Variants in SLC25A24 observed in about 807,000 individuals in gnomAD.
SLC25A24 encodes the protein mitochondrial adenyl nucleotide antiporter SLC25A24.
A neutral mutation model predicts 60.7 loss-of-function variants in SLC25A24; 49 were observed. The observed-to-expected ratio is 0.81, with a 90% CI of 0.64 to 1.02. The LOEUF (loss-of-function observed/expected upper bound fraction) is 1.02, where lower values mean the gene tolerates loss of function less well. Among genes scored for constraint, SLC25A24 ranks in the 50% least tolerant of loss-of-function variants. The pLI is 0.00. For synonymous variants in SLC25A24, 202 were observed against 200.6 expected, an observed-to-expected ratio of 1.01 and a Z score of -0.06; for missense variants, 564 against 586.3, an observed-to-expected ratio of 0.96 and a Z score of 0.39.
At chr1:108,140,643 A>T in intron 8 of SLC25A24, among the ~76,000 whole-genome samples, 1 of 152,216 alleles carries the variant, frequency 6.6e-6, no homozygotes, top group Non-Finnish European at 1.5e-5. Flanking sequence ...TGTGGGGAGG[A>T]GGTGAAATAT....
intron 1 of SLC25A24, among the ~76,000 whole-genome samples, chr1:108,197,606 C>T (rs762211225): frequency 1.4e-4 from 22 of 152,184 alleles, no homozygotes; most frequent in Non-Finnish European, 2.5e-4. Flanking sequence ...TATGTATCAA[C>T]TCGTCTGGAC....
chr1:108,160,294 A>G (rs1426022203), intron 4 of SLC25A24, among the ~76,000 whole-genome samples: 33 of 142,232 alleles, frequency 2.3e-4, no homozygotes, highest in Admixed American at 4.9e-4. Flanking sequence ...CCGGGCAGAG[A>G]CGCTCCTCAC....
In SLC25A24 at chr1:108,139,093, GGGTAGC is replaced by G; in HGVS notation, c.1208_1213del (p.Ser403_Pro405delinsThr). 6.2e-6 allele frequency: 10 copies of G among 1,607,496 alleles called. No individual in the cohort carries two copies. The highest frequency in any genetic ancestry group is 8.5e-6 in the Non-Finnish European group (10 of 1,176,902). On this transcript the variant is annotated inframe_deletion, in exon 9 of 10. Transcript: ENST00000565488. ...CATGCGAGTTCTCACCAAAGCCAATGGGTAGCTGGCCAGCTGACCACAGGTGCTGGA... is the reference window on the plus strand; with the variant it reads ...CATGCGAGTTCTCACCAAAGCCAATGTGGCCAGCTGACCACAGGTGCTGGA...
At chr1:108,139,239 A>G in intron 8 of SLC25A24, 31 bp from the exon 9 acceptor site, 5 of 1,568,910 alleles carry the variant, frequency 3.2e-6, no homozygotes, top group Non-Finnish European at 8.6e-7. Context: ...AAAATAATTA[A>G]CGAACTCTAC....
chr1:108,160,249 G>C (rs1680029388), intron 4 of SLC25A24, among the ~76,000 whole-genome samples: 1 of 151,066 alleles, frequency 6.6e-6, no homozygotes, highest in South Asian at 2.1e-4. Flanking sequence ...GGGCGGCGGG[G>C]CAGAGGCGCT....
intron 4 of SLC25A24, among the ~76,000 whole-genome samples, chr1:108,158,474 G>GT (rs972046107): frequency 1.1e-4 from 16 of 152,120 alleles, no homozygotes; most frequent in African/African-American, 3.9e-4. Flanking sequence ...AAAAAATACC[G>GT]TAAGAATTAT....
In SLC25A24 at chr1:108,181,957, C is replaced by G; in HGVS notation, c.382G>C (p.Glu128Gln). The change falls in exon 3 of 10, where the codon GAG becomes CAG. Residue 128 changes from glutamate to glutamine, a missense_variant. By Grantham distance (29) the Glu-to-Gln change is conservative. Coordinates refer to ENST00000565488, the MANE Select transcript of SLC25A24 (RefSeq NM_013386.5). ...AGAGCTTACCTTTGAAGAATCAACT[C>G]TGCTTGTTGTTCAGAAATAGTCAGA... ...LGLTISEQQA[E>Q]LILQSIDVDG... 1 of 1,611,100 alleles carries G rather than the reference C, an allele frequency of 6.2e-7. No individual in the cohort carries two copies. Among genetic ancestry groups the G allele is most frequent in the Non-Finnish European group, 8.5e-7 (1 of 1,177,698 alleles).
chr1:108,160,904 A>G (rs572058360), intron 4 of SLC25A24, among the ~76,000 whole-genome samples: 1 of 152,334 alleles, frequency 6.6e-6, no homozygotes, highest in East Asian at 1.9e-4. Flanking sequence ...GCAGCAGTAC[A>G]GTCCAGCTTT....
chr1:108,142,077 C>T (rs767886171), intron 8 of SLC25A24, among the ~76,000 whole-genome samples: 8 of 152,074 alleles, frequency 5.3e-5, no homozygotes, highest in African/African-American at 1.4e-4. Context: ...CCACCTCACA[C>T]CTAAGAGGAC....
At chr1:108,138,439 C>A (rs1281341752) in intron 9 of SLC25A24, among the ~76,000 whole-genome samples, 1 of 152,122 alleles carries the variant, frequency 6.6e-6, no homozygotes, top group Non-Finnish European at 1.5e-5. Flanking sequence ...TGAATGCATA[C>A]TTTAATAGAG....
chr1:108,137,407 C>T (rs764151593), intron 9 of SLC25A24, among the ~76,000 whole-genome samples: 7 of 152,066 alleles, frequency 4.6e-5, no homozygotes, highest in South Asian at 2.1e-4. Flanking sequence ...GAAGAGAAAG[C>T]GAAAACCAGT....
intron 7 of SLC25A24, among the ~76,000 whole-genome samples, chr1:108,145,610 CAG>C (rs1439454927): frequency 6.6e-6 from 1 of 151,706 alleles, no homozygotes; most frequent in Non-Finnish European, 1.5e-5. Context: ...GGAAGGGGTC[CAG>C]TTTCAGTTTT....
intron 6 of SLC25A24, among the ~76,000 whole-genome samples, chr1:108,150,975 A>AGGACCACTTGAGGTCAGGC (rs1246961885): frequency 1.3e-5 from 2 of 152,140 alleles, no homozygotes; most frequent in African/African-American, 4.8e-5. Context: ...CTGAGGCAGG[A>AGGACCACTTGAGGTCAGGC]GGACCACTTG....
chr1:108,137,426 C>T (rs1171780366), intron 9 of SLC25A24, among the ~76,000 whole-genome samples: 1 of 152,150 alleles, frequency 6.6e-6, no homozygotes, highest in Non-Finnish European at 1.5e-5. Flanking sequence ...GTGTTGCTGG[C>T]ACAACCAAGA....
At chr1:108,156,106 C>A (rs1026407149) in intron 5 of SLC25A24, among the ~76,000 whole-genome samples, 1 of 152,140 alleles carries the variant, frequency 6.6e-6, no homozygotes, top group African/African-American at 2.4e-5. Context: ...ATATTCCATG[C>A]CTAGTGCCAC....
chr1:108,180,319 C>T (rs1420975242), intron 3 of SLC25A24, among the ~76,000 whole-genome samples: 2 of 151,220 alleles, frequency 1.3e-5, no homozygotes, highest in African/African-American at 2.4e-5. Context: ...GAGCTGAGAT[C>T]GCACCATTGC....
At chr1:108,192,478 A>G in intron 1 of SLC25A24, 1 of 1,458,812 alleles carries the variant, frequency 6.9e-7, no homozygotes, top group Non-Finnish European at 9.3e-7. Context: ...CTCTGATTAC[A>G]GCCCCAGTGA....
rs1470058106 is a variant in SLC25A24, at chr1:108,191,080, C to G, written c.184-5126G>C. On this transcript the variant is annotated intron_variant, in intron 1 of 9. Transcript: ENST00000565488. Reference sequence around the variant, plus strand: ...GTTTGTATCAAATAAACAAATACAACTTACACTTGCAAATCTAAATATAAG... The same window carrying G: ...GTTTGTATCAAATAAACAAATACAAGTTACACTTGCAAATCTAAATATAAG... Among the ~76,000 whole-genome samples, 3 of 140,164 alleles carry G rather than the reference C, an allele frequency of 2.1e-5. 1 individual carries two copies. The highest frequency in any genetic ancestry group is 4.7e-5 in the Non-Finnish European group (3 of 63,908). The allele number at this position is 140,164 out of a possible 152,430, so 92.0% of individuals were successfully genotyped here. A position where few individuals can be genotyped will look rare whatever the true frequency, so the allele number is the denominator to read the frequency against.
intron 1 of SLC25A24, among the ~76,000 whole-genome samples, chr1:108,187,952 ACTG>A (rs1648204130): frequency 1.4e-5 from 2 of 145,844 alleles, no homozygotes; most frequent in African/African-American, 5.0e-5. Context: ...ATATTCATGC[ACTG>A]TATACATTTC....
Sources: allele counts gnomAD v4.1 joint callset (sites outside exome capture counted in the v4.1 genomes callset), GRCh38; gene constraint gnomAD v4.1.1; transcripts MANE v1.5; gene names NCBI Gene and HGNC (gene_info 2026-07-23, HGNC 2026-07-21).